The following NWD2 variants were observed in gnomAD, a reference collection of about 807,000 sequenced individuals.
NWD2 encodes the protein NACHT and WD repeat domain-containing protein 2.
In NWD2, 37 loss-of-function variants were observed where a neutral mutation model predicts 132.7. The ratio of observed to expected loss-of-function variants is 0.28; its 90% CI spans 0.21 to 0.37. The LOEUF (loss-of-function observed/expected upper bound fraction) is 0.37. NWD2 is among the 10% of genes least tolerant of loss of function. NWD2 has a pLI of 1.00. For missense variants in NWD2, 1,592 were observed against 2,122.4 expected, an observed-to-expected ratio of 0.75 and a Z score of 4.91; for synonymous variants, 705 against 803.0, an observed-to-expected ratio of 0.88 and a Z score of 2.06.
chr4:37,323,257 AC>A (rs1426378277), intron 1 of NWD2, among the ~76,000 whole-genome samples: 1 of 152,200 alleles, frequency 6.6e-6, no homozygotes, highest in Non-Finnish European at 1.5e-5. Context: ...AACAGAGTAA[AC>A]AGACAACCTA....
chr4:37,447,209 G>A lies in NWD2; in HGVS notation c.5221G>A (p.Asp1741Asn). The change falls in exon 7 of 7, where the codon GAT (aspartate) becomes AAT (asparagine). Residue 1741 changes from aspartate to asparagine, a missense_variant. Physicochemically the swap from Asp to Asn is conservative, Grantham distance 23 (BLOSUM62 1). Transcript: ENST00000309447. Reference sequence around the variant, plus strand: ...AGCCAGGGGCCACAGCTATGCCCCTGATAACTGACAAAATGTTTTCCAGCT... The same window carrying A: ...AGCCAGGGGCCACAGCTATGCCCCTAATAACTGACAAAATGTTTTCCAGCT... The part of the protein sequence containing the change: ...LEARGHSYAP[D>N]N 1 of 1,543,682 alleles carries A rather than the reference G, an allele frequency of 6.5e-7. No individual in the cohort carries two copies. Among genetic ancestry groups the A allele is most frequent in the South Asian group, 1.2e-5 (1 of 83,638 alleles).
At chr4:37,298,360 A>G (rs1217818534) in intron 1 of NWD2, among the ~76,000 whole-genome samples, 1 of 152,178 alleles carries the variant, frequency 6.6e-6, no homozygotes, top group African/African-American at 2.4e-5. Flanking sequence ...TGATTTCATC[A>G]GTATCACAAA....
rs892826 is a variant in NWD2 at position 37,245,017 on chromosome 4, C to T, written c.-51C>T. The T allele has an allele frequency of 0.18, 270,360 of 1,537,436 alleles. 24,821 individuals carry two copies. Among genetic ancestry groups the T allele is most frequent in the Admixed American group, 0.25 (12,627 of 50,908 alleles). ...TTCCGTGGAGCTGCGGGCAGGAACC[C>T]GAGGAGCAGGAGGTGGCGGCGGCGG... On this transcript the variant is annotated 5_prime_UTR_variant, in exon 1 of 7. Coordinates refer to ENST00000309447, the MANE Select transcript of NWD2 (RefSeq NM_001144990.2).
intron 3 of NWD2, among the ~76,000 whole-genome samples, chr4:37,394,308 G>C (rs1720736177): frequency 6.6e-6 from 1 of 152,210 alleles, no homozygotes; most frequent in African/African-American, 2.4e-5. Context: ...TCTCCATAGA[G>C]TGAGACCAAG....
chr4:37,286,289 A>C (rs1036231719), intron 1 of NWD2, among the ~76,000 whole-genome samples: 1 of 152,180 alleles, frequency 6.6e-6, no homozygotes, highest in African/African-American at 2.4e-5. Flanking sequence ...AAATTCCCAA[A>C]ATATCCTAGA....
intron 3 of NWD2, among the ~76,000 whole-genome samples, chr4:37,394,799 G>GTTTGT (rs1720746980): frequency 3.8e-5 from 2 of 52,596 alleles, no homozygotes; most frequent in Non-Finnish European, 6.4e-5. Flanking sequence ...AACCTTTATG[G>GTTTGT]TTTTTTTTTT....
chr4:37,375,092 T>C (rs1325837541), intron 3 of NWD2, among the ~76,000 whole-genome samples: 2 of 152,244 alleles, frequency 1.3e-5, no homozygotes, highest in Non-Finnish European at 2.9e-5. Context: ...TCTTCTGTGC[T>C]TTCAAAGAAT....
chr4:37,375,637 C>G lies in NWD2; in HGVS notation c.357+19155C>G, dbSNP rs577783700. Reference sequence around the variant, plus strand: ...AGGCTGGAGTGCAGTGGGGCGATCTCGGCTCACTGCAAGCTCCGCCTCCCG... The same window carrying G: ...AGGCTGGAGTGCAGTGGGGCGATCTGGGCTCACTGCAAGCTCCGCCTCCCG... On this transcript the variant is annotated intron_variant, in intron 3 of 6. Transcript: ENST00000309447. Among the ~76,000 whole-genome samples the G allele has an allele frequency of 5.3e-5, 8 of 150,268 alleles. No homozygotes were observed. In the South Asian group the frequency reaches 1.7e-3, roughly 32 times the overall value.
At chr4:37,290,916 G>C (rs765463120) in intron 1 of NWD2, among the ~76,000 whole-genome samples, 1 of 152,182 alleles carries the variant, frequency 6.6e-6, no homozygotes, top group Non-Finnish European at 1.5e-5. Context: ...GTTCTGAGAG[G>C]TGTAGAGTTA....
chr4:37,306,643 T>C (rs1477409620), intron 1 of NWD2, among the ~76,000 whole-genome samples: 3 of 152,232 alleles, frequency 2.0e-5, no homozygotes, highest in Non-Finnish European at 1.5e-5. Context: ...TATATATTGT[T>C]GTAGTATGAA....
In NWD2 at chr4:37,446,433, T is replaced by C; in HGVS notation, c.4445T>C (p.Val1482Ala). The C allele has an allele frequency of 6.4e-7, 1 of 1,551,812 alleles. No individual in the cohort carries two copies. The change falls in exon 7 of 7, where the codon GTG (valine) becomes GCG (alanine). Residue 1482 changes from valine (V) to alanine (A), a missense_variant. Transcript: ENST00000309447. The surrounding 1 kb of genome is among the most constrained non-coding windows in gnomAD (Gnocchi z 6.7). Reference protein sequence around the residue: ...KFCCEDGTTIVNFKLIPDCPD... With the variant: ...KFCCEDGTTIANFKLIPDCPD... ...TGCTGTGAAGATGGGACCACCATCG[T>C]GAATTTTAAATTAATCCCTGACTGT...
chr4:37,414,795 T>G (rs542090662), intron 3 of NWD2, among the ~76,000 whole-genome samples: 1 of 152,366 alleles, frequency 6.6e-6, no homozygotes, highest in East Asian at 1.9e-4. Flanking sequence ...GTAATAACAC[T>G]GTTAGCCTTT....
intron 3 of NWD2, among the ~76,000 whole-genome samples, chr4:37,372,563 G>A (rs1365409736): frequency 6.6e-6 from 1 of 152,140 alleles, no homozygotes; most frequent in Admixed American, 6.6e-5. Flanking sequence ...CAAGTTATCT[G>A]GACCAACGGG....
At chr4:37,269,397 G>T (rs1459455389) in intron 1 of NWD2, among the ~76,000 whole-genome samples, 1 of 151,850 alleles carries the variant, frequency 6.6e-6, no homozygotes, top group East Asian at 1.9e-4. Context: ...TATGAGATAA[G>T]ATTTATATAC....
At chr4:37,282,342 G>A (rs1718144920) in intron 1 of NWD2, among the ~76,000 whole-genome samples, 1 of 151,598 alleles carries the variant, frequency 6.6e-6, no homozygotes, top group South Asian at 2.1e-4. Context: ...AATAACAATG[G>A]GTTTTTTTCC....
At chr4:37,347,042 G>A (rs1258500516) in intron 2 of NWD2, among the ~76,000 whole-genome samples, 1 of 151,878 alleles carries the variant, frequency 6.6e-6, no homozygotes, top group Non-Finnish European at 1.5e-5. Flanking sequence ...TCATCTCAAA[G>A]TATCCCTTTC....
chr4:37,372,793 TGTTCATTTGTAGGAATTATTA>T (rs1456699936), intron 3 of NWD2, among the ~76,000 whole-genome samples: 1 of 152,234 alleles, frequency 6.6e-6, no homozygotes, highest in Non-Finnish European at 1.5e-5. Context: ...TAGAAAGCTC[TGTTCATTTGTAGGAATTATTA>T]GTTCATTTTT....
intron 1 of NWD2, among the ~76,000 whole-genome samples, chr4:37,250,159 TACACACACACAC>T (rs59150547): frequency 6.7e-6 from 1 of 148,998 alleles, no homozygotes; most frequent in East Asian, 2.0e-4. Context: ...TGTGTGTGTA[TACACACACACAC>T]ACACACACAC....
intron 3 of NWD2, among the ~76,000 whole-genome samples, chr4:37,359,076 C>G (rs1047336422): frequency 5.1e-4 from 77 of 152,178 alleles, no homozygotes; most frequent in African/African-American, 1.8e-3. Flanking sequence ...TGTTCTCCCC[C>G]TTTTATAACC....
Sources: gnomAD v4.1 joint callset for allele counts (sites outside exome capture counted in the v4.1 genomes callset) on GRCh38, gnomAD v4.1.1 for gene constraint, Gnocchi (gnomAD v3.1) non-coding constraint, MANE v1.5 for transcripts, NCBI Gene and HGNC (gene_info 2026-07-23, HGNC 2026-07-21) for gene names.